EPC1: variants seen among roughly 807,000 people sequenced by gnomAD.
The protein encoded by EPC1 is enhancer of polycomb homolog 1.
A neutral mutation model predicts 98.4 loss-of-function variants in EPC1; 12 were observed. The ratio of observed to expected loss-of-function variants is 0.12; its 90% CI spans 0.08 to 0.20. The LOEUF is 0.20. EPC1 is among the 10% of genes least tolerant of loss of function. The pLI, the probability that EPC1 is intolerant of heterozygous loss-of-function variation, is 1.00. For missense variants in EPC1, 729 were observed against 990.5 expected (o/e 0.74, Z 3.54); for synonymous variants, 357 against 363.9 (o/e 0.98, Z 0.21).
chr10:32,271,972 T>A, intron 12 of EPC1, 54 bp downstream of exon 12: 1 of 1,596,882 alleles, frequency 6.3e-7, no homozygotes, highest in Middle Eastern at 1.7e-4. Context: ...CTGTTTATAT[T>A]ATAGATATAT....
chr10:32,327,856 T>C (rs970506025), intron 1 of EPC1, among the ~76,000 whole-genome samples: 1 of 152,234 alleles, frequency 6.6e-6, no homozygotes, highest in African/African-American at 2.4e-5. Flanking sequence ...GAGTCATGTC[T>C]GTGATCTGTT....
intron 13 of EPC1, chr10:32,269,434 C>A: frequency 6.8e-6 from 2 of 293,764 alleles, no homozygotes; most frequent in Non-Finnish European, 1.3e-5. Context: ...TTTCAAGTTC[C>A]TTCTCTATTA....
At chr10:32,269,290 T>A in intron 13 of EPC1, 155 bp from the exon 14 acceptor site, 1 of 577,732 alleles carries the variant, frequency 1.7e-6, no homozygotes. Flanking sequence ...ATCTTTATAG[T>A]TTATTATCAG....
intron 6 of EPC1, among the ~76,000 whole-genome samples, chr10:32,288,309 TTTC>T (rs1836801031): frequency 1.4e-5 from 2 of 143,490 alleles, no homozygotes; most frequent in African/African-American, 5.3e-5. Flanking sequence ...CTATTACTTT[TTTC>T]TTTTTTTTTT....
At chr10:32,273,366 A>T (rs181946857) in intron 10 of EPC1, 85 bp from the exon 11 acceptor site, 1 of 1,478,324 alleles carries the variant, frequency 6.8e-7, no homozygotes, top group East Asian at 2.5e-5. Flanking sequence ...TTCTGCATTA[A>T]ATCTGTGCAA....
At chr10:32,357,050 A>G (rs1476406836) in intron 1 of EPC1, among the ~76,000 whole-genome samples, 3 of 152,184 alleles carry the variant, frequency 2.0e-5, no homozygotes, top group Non-Finnish European at 2.9e-5. Flanking sequence ...TCCTATAATC[A>G]TTGTTTAAGT....
chr10:32,358,658 G>T (rs555038266), intron 1 of EPC1, among the ~76,000 whole-genome samples: 13 of 150,972 alleles, frequency 8.6e-5, no homozygotes, highest in Admixed American at 2.6e-4. Flanking sequence ...GCGGGGGCGG[G>T]GGGGGAAGAA....
chr10:32,370,044 T>C (rs1368341926), intron 1 of EPC1, among the ~76,000 whole-genome samples: 1 of 152,214 alleles, frequency 6.6e-6, no homozygotes, highest in Non-Finnish European at 1.5e-5. Context: ...GAACTACTAC[T>C]TTGAATATAT....
chr10:32,293,646 G>A lies in EPC1; in HGVS notation c.405C>T (p.Cys135=). ...CAATCATCTCCTCAAATTGCAATGG[G>A]CAGATGTCCATTTTCTTTTTCAGTT... ...VNKLKKKMDI[C]PLQFEEMIDR... Residue 135 remains cysteine, a synonymous_variant, in exon 3 of 14, where the codon TGC becomes TGT. Transcript: ENST00000319778. The A allele has an allele frequency of 1.2e-6, 2 of 1,613,534 alleles. No homozygotes were observed. The highest frequency in any genetic ancestry group is 8.5e-7 in the Non-Finnish European group (1 of 1,179,750).
intron 1 of EPC1, among the ~76,000 whole-genome samples, chr10:32,334,029 T>C (rs1837800864): frequency 6.6e-6 from 1 of 152,210 alleles, no homozygotes; most frequent in African/African-American, 2.4e-5. Flanking sequence ...AACAAACATG[T>C]ACTACCTTTC....
chr10:32,322,871 G>A (rs1400042548), intron 1 of EPC1, among the ~76,000 whole-genome samples: 2 of 152,064 alleles, frequency 1.3e-5, no homozygotes, highest in African/African-American at 2.4e-5. Context: ...GATGATTAAC[G>A]GGTACAAAAA....
At chr10:32,323,111 T>C (rs1357897983) in intron 1 of EPC1, among the ~76,000 whole-genome samples, 1 of 38,882 alleles carries the variant, frequency 2.6e-5, no homozygotes, top group Non-Finnish European at 6.3e-5. Flanking sequence ...CCTGTAAATA[T>C]GTACTATTAT....
At chr10:32,326,394 T>A (rs1331160301) in intron 1 of EPC1, among the ~76,000 whole-genome samples, 1 of 152,138 alleles carries the variant, frequency 6.6e-6, no homozygotes, top group African/African-American at 2.4e-5. Context: ...AGGCTTGAGA[T>A]GTTTACTGCT....
chr10:32,320,953 T>C (rs964462558), intron 1 of EPC1, among the ~76,000 whole-genome samples: 69 of 152,284 alleles, frequency 4.5e-4, no homozygotes, highest in African/African-American at 1.5e-3. Flanking sequence ...TATAGTACCA[T>C]TCTCCTCCAC....
intron 1 of EPC1, among the ~76,000 whole-genome samples, chr10:32,376,892 A>G (rs1244972627): frequency 6.6e-6 from 1 of 152,152 alleles, no homozygotes; most frequent in African/African-American, 2.4e-5. Flanking sequence ...TTAGGGTTCA[A>G]TTACTGATTC....
chr10:32,362,495 A>G, intron 1 of EPC1, among the ~76,000 whole-genome samples: 1 of 152,130 alleles, frequency 6.6e-6, no homozygotes, highest in East Asian at 1.9e-4. Context: ...TCTGGCAATA[A>G]GAGTTCTCAT....
intron 1 of EPC1, among the ~76,000 whole-genome samples, chr10:32,328,528 C>T (rs1420501780): frequency 6.6e-6 from 1 of 152,150 alleles, no homozygotes; most frequent in Non-Finnish European, 1.5e-5. Context: ...GGTTTTAGCT[C>T]CCAATGAGGG....
intron 1 of EPC1, among the ~76,000 whole-genome samples, chr10:32,337,904 C>T (rs1327213958): frequency 1.3e-5 from 2 of 152,182 alleles, no homozygotes; most frequent in Non-Finnish European, 2.9e-5. Flanking sequence ...TCTCAGTGGA[C>T]ATAGTTAACC....
intron 2 of EPC1, 48 bp from the exon 3 acceptor site, chr10:32,293,785 C>A (rs940916744): frequency 3.3e-6 from 5 of 1,528,136 alleles, no homozygotes; most frequent in Non-Finnish European, 4.4e-6. Flanking sequence ...AATTCACCGA[C>A]AAAAACTCCA....
Sources: allele counts gnomAD v4.1 joint callset (sites outside exome capture counted in the v4.1 genomes callset), GRCh38; gene constraint gnomAD v4.1.1; transcripts MANE v1.5; gene names NCBI Gene and HGNC (gene_info 2026-07-23, HGNC 2026-07-21).